TNR: variants seen among roughly 807,000 people sequenced by gnomAD.
The protein encoded by TNR is tenascin R.
In TNR, 45 loss-of-function variants were observed where a neutral mutation model predicts 150.4. That is an observed-to-expected ratio of 0.30 (90% CI 0.24 to 0.38). TNR has a LOEUF of 0.38. Among genes scored for constraint, TNR ranks in the 10% least tolerant of loss-of-function variants. The probability of loss-of-function intolerance (pLI) is 1.00; values close to 1 mark genes in which losing one functional copy is unlikely to be tolerated. For missense variants in TNR, 1,544 were observed against 1,759.1 expected, an observed-to-expected ratio of 0.88 and a Z score of 2.19; for synonymous variants, 687 against 678.4, an observed-to-expected ratio of 1.01 and a Z score of -0.20.
chr1:175,436,651 A>G (rs1022594001), intron 2 of TNR, among the ~76,000 whole-genome samples: 20 of 152,208 alleles, frequency 1.3e-4, no homozygotes, highest in African/African-American at 4.6e-4. Context: ...ACGTTCAGAG[A>G]CACACATAGG....
chr1:175,581,201 C>T (rs1380503850), intron 1 of TNR, among the ~76,000 whole-genome samples: 3 of 152,288 alleles, frequency 2.0e-5, no homozygotes, highest in South Asian at 2.1e-4. Flanking sequence ...AAATGGGAAC[C>T]GCTCATCCTT....
At chr1:175,715,509 C>T (rs948314962) in intron 1 of TNR, among the ~76,000 whole-genome samples, 2 of 152,062 alleles carry the variant, frequency 1.3e-5, no homozygotes, top group Non-Finnish European at 2.9e-5. Flanking sequence ...AATCCTGTTC[C>T]TGGGCCCCAG....
intron 1 of TNR, among the ~76,000 whole-genome samples, chr1:175,655,559 T>A (rs1013370876): frequency 1.3e-5 from 2 of 152,238 alleles, no homozygotes; most frequent in Admixed American, 6.5e-5. Context: ...AATAGAATGA[T>A]GCTGATGAGT....
chr1:175,603,921 C>T (rs1663329493), intron 1 of TNR, among the ~76,000 whole-genome samples: 1 of 152,212 alleles, frequency 6.6e-6, no homozygotes, highest in Non-Finnish European at 1.5e-5. Context: ...GCTTGGTCAA[C>T]ACAGAGAAAG....
chr1:175,394,894 C>A (rs552554133), intron 5 of TNR, among the ~76,000 whole-genome samples: 2 of 152,170 alleles, frequency 1.3e-5, no homozygotes, highest in Non-Finnish European at 2.9e-5. Context: ...AACCTCATCA[C>A]TGTGCATGCA....
intron 1 of TNR, among the ~76,000 whole-genome samples, chr1:175,576,656 A>AT (rs1351952656): frequency 0.023 from 3,525 of 152,306 alleles, 137 homozygotes; most frequent in African/African-American, 0.078. Context: ...GCTTGTAAAT[A>AT]CTTCATAAAC....
intron 9 of TNR, among the ~76,000 whole-genome samples, chr1:175,378,505 C>T (rs935238841): frequency 6.6e-5 from 10 of 152,204 alleles, no homozygotes; most frequent in South Asian, 2.1e-4. Context: ...ATGAAGCTGC[C>T]GGACAGAATG....
At chr1:175,592,503 C>T (rs550710458) in intron 1 of TNR, among the ~76,000 whole-genome samples, 2 of 151,316 alleles carry the variant, frequency 1.3e-5, no homozygotes, top group Admixed American at 6.6e-5. Flanking sequence ...ACCCCTGGCT[C>T]GAGGAGCCGG....
At chr1:175,653,858 A>G (rs115535009) in intron 1 of TNR, among the ~76,000 whole-genome samples, 3,259 of 152,286 alleles carry the variant, frequency 0.021, 47 homozygotes, top group Non-Finnish European at 0.033. Context: ...GTTAGTTTTT[A>G]TTTAATTTCT....
rs1212409860 is a variant in TNR at position 175,322,657 on chromosome 1, C to T, written c.*700G>A. On this transcript the variant is annotated 3_prime_UTR_variant, in exon 23 of 23. Transcript: ENST00000367674. ...ATCAGCCAGGTATGGTGGCTCATGC[C>T]TGTAGTCCCAGCTACTCAAGAGGCT... 6.6e-6 allele frequency: 1 copy of T among 152,276 alleles called. No individual in the cohort carries two copies. Among genetic ancestry groups the T allele is most frequent in the African/African-American group, 2.4e-5 (1 of 41,422 alleles). The allele number at this position is 152,276 out of a possible 1,614,324, so 9.4% of individuals were successfully genotyped here. A position where few individuals can be genotyped will look rare whatever the true frequency, so the allele number is the denominator to read the frequency against.
At chr1:175,505,973 G>T (rs1658943467) in intron 2 of TNR, among the ~76,000 whole-genome samples, 1 of 152,244 alleles carries the variant, frequency 6.6e-6, no homozygotes, top group Non-Finnish European at 1.5e-5. Context: ...CCAGGAGGTG[G>T]AGGTTACAGT....
Position 175,322,496 on chromosome 1 carries a change from G to A in TNR, c.*861C>T, listed in dbSNP as rs956054216. 1.3e-5 allele frequency: 2 copies of A among 152,278 alleles called. No individual in the cohort carries two copies. The highest frequency in any genetic ancestry group is 4.8e-5 in the African/African-American group (2 of 41,450). 9.4% of individuals were successfully genotyped at this position (152,278 alleles called of 1,614,324 possible). A position where few individuals can be genotyped will look rare whatever the true frequency, so the allele number is the denominator to read the frequency against. On this transcript the variant is annotated 3_prime_UTR_variant, in exon 23 of 23. Transcript: ENST00000367674. ...CTTTGGCCCATTATAAAGGACTTGG[G>A]GCTGGATGCAGTGGCTGTAGCCTGT...
intron 1 of TNR, among the ~76,000 whole-genome samples, chr1:175,529,308 C>T (rs1455173158): frequency 6.6e-5 from 10 of 152,216 alleles, no homozygotes; most frequent in Admixed American, 3.3e-4. Flanking sequence ...AAGCATTTGG[C>T]TGAGGTAGAG....
intron 1 of TNR, among the ~76,000 whole-genome samples, chr1:175,721,149 T>A (rs1667287548): frequency 6.6e-6 from 1 of 152,200 alleles, no homozygotes; most frequent in Non-Finnish European, 1.5e-5. Context: ...AAATGCCACC[T>A]CCTCAGGCAG....
intron 2 of TNR, among the ~76,000 whole-genome samples, chr1:175,494,334 C>T (rs1244928613): frequency 3.3e-5 from 5 of 152,186 alleles, no homozygotes; most frequent in East Asian, 1.9e-4. Context: ...TAATCTGGGG[C>T]GGGAGCTGAT....
At chr1:175,511,261 A>G (rs1659162617) in intron 2 of TNR, among the ~76,000 whole-genome samples, 1 of 152,248 alleles carries the variant, frequency 6.6e-6, no homozygotes, top group African/African-American at 2.4e-5. Flanking sequence ...TAAATAAAGC[A>G]TGTCAAATAT....
chr1:175,463,985 A>T (rs1656925506), intron 2 of TNR, among the ~76,000 whole-genome samples: 1 of 152,248 alleles, frequency 6.6e-6, no homozygotes, highest in African/African-American at 2.4e-5. Flanking sequence ...TAACCTCAGC[A>T]TTCTTGAATC....
chr1:175,488,930 C>T lies in TNR; in HGVS notation c.-64+39339G>A, dbSNP rs543248879. On this transcript the variant is annotated intron_variant, in intron 2 of 22. Coordinates refer to ENST00000367674, the MANE Select transcript of TNR (RefSeq NM_003285.3). ...AAGCTTGGAGTAAAGGAACAGTAAT[C>T]CTGAGGACAAAGGCATGTTCAGAAT... 3.3e-5 allele frequency among the ~76,000 whole-genome samples: 5 copies of T among 152,226 alleles called. No homozygotes were observed. In the East Asian group the frequency reaches 9.7e-4, roughly 29 times the overall value.
At chr1:175,399,907 G>A (rs552952996) in intron 4 of TNR, among the ~76,000 whole-genome samples, 43 of 152,268 alleles carry the variant, frequency 2.8e-4, no homozygotes, top group Non-Finnish European at 4.8e-4. Flanking sequence ...ACTCCAAAGA[G>A]TAAGTGGTTT....
Sources: allele counts gnomAD v4.1 joint callset (sites outside exome capture counted in the v4.1 genomes callset), GRCh38; gene constraint gnomAD v4.1.1; transcripts MANE v1.5; gene names NCBI Gene and HGNC (gene_info 2026-07-23, HGNC 2026-07-21).